Variants in RHBDF1 observed in about 807,000 individuals in gnomAD.
RHBDF1 encodes the protein rhomboid 5 homolog 1.
A neutral mutation model predicts 98.6 loss-of-function variants in RHBDF1; 80 were observed. The ratio of observed to expected loss-of-function variants is 0.81; its 90% CI spans 0.68 to 0.98. The LOEUF (loss-of-function observed/expected upper bound fraction) is 0.98. Among genes scored for constraint, RHBDF1 ranks in the 50% least tolerant of loss-of-function variants. The pLI, the probability that RHBDF1 is intolerant of heterozygous loss-of-function variation, is 0.00. For synonymous variants in RHBDF1, 512 were observed against 486.8 expected (o/e 1.05, Z -0.68); for missense variants, 1,116 against 1,198.3 (o/e 0.93, Z 1.01).
At chr16:62,086 C>A in intron 7 of RHBDF1, 34 bp from the exon 8 acceptor site, 7 of 1,438,674 alleles carry the variant, frequency 4.9e-6, no homozygotes, top group Non-Finnish European at 6.4e-6. Flanking sequence ...CCCGCCCCAG[C>A]CCCGCAAACT....
At position 58,136 on chromosome 16, in the gene RHBDF1, G is replaced by T. The variant is rs1339740735; in HGVS notation, c.*204C>A. The T allele has an allele frequency of 1.8e-6, 1 of 565,514 alleles. No homozygotes were observed. The highest frequency in any genetic ancestry group is 1.9e-5 in the African/African-American group (1 of 53,334). The allele number at this position is 565,514 out of a possible 1,614,324, so 35.0% of individuals were successfully genotyped here. On this transcript the variant is annotated 3_prime_UTR_variant, in exon 18 of 18. Transcript: ENST00000262316. ...TGGTCGTCAAGAAACAAGTTAGAAG[G>T]TTATGACAGGAAGTAGTATAATAAA...
intron 4 of RHBDF1, 61 bp downstream of exon 4, chr16:63,526 C>T: frequency 1.4e-6 from 2 of 1,402,944 alleles, no homozygotes; most frequent in South Asian, 2.7e-5. Context: ...GCTGTGTCCG[C>T]AGCCCCAGCC....
upstream of RHBDF1, among the ~76,000 whole-genome samples, chr16:72,913 G>T (rs900418585): frequency 6.6e-6 from 1 of 152,162 alleles, no homozygotes; most frequent in Non-Finnish European, 1.5e-5. Context: ...GAGCTGTCCT[G>T]CCCTGATTTG....
At position 63,039 on chromosome 16, in the gene RHBDF1, G is replaced by A. The variant is rs1399968979; in HGVS notation, c.606C>T (p.Leu202=). Residue 202 remains leucine, a synonymous_variant, in exon 5 of 18, where the codon CTC becomes CTT. Coordinates refer to ENST00000262316, the MANE Select transcript of RHBDF1 (RefSeq NM_022450.5). ...FSSSRSGFHR[L]PRRRKRESVA... is the part of the protein sequence containing the mutation. ...CCGACTCTCGCTTGCGCCGCCGCGG[G>A]AGCCGGTGGAAACCTGAGCGGGAGC... The A allele has an allele frequency of 6.2e-7, 1 of 1,612,848 alleles. No individual in the cohort carries two copies. Among genetic ancestry groups the A allele is most frequent in the Admixed American group, 1.7e-5 (1 of 59,938 alleles).
At chr16:67,069 C>G (rs1897848605) in intron 1 of RHBDF1, among the ~76,000 whole-genome samples, 1 of 152,192 alleles carries the variant, frequency 6.6e-6, no homozygotes, top group Non-Finnish European at 1.5e-5. Flanking sequence ...AGCCCTCCCT[C>G]CACAGGGTAT....
rs998807584 is a variant in RHBDF1 at position 66,103 on chromosome 16, G to A, written c.-24-1064C>T. ...AGGGGGACCACACGGCGATTCCAGT[G>A]GAGACCCAGATTGAGAAGGGCCCCT... is the stretch of plus-strand genomic sequence containing the variant. On this transcript the variant is annotated intron_variant, in intron 1 of 17. Transcript: ENST00000262316. Among the ~76,000 whole-genome samples the A allele has an allele frequency of 1.1e-4, 17 of 152,380 alleles. 1 individual carries two copies. The highest frequency in any genetic ancestry group is 8.5e-4 in the Admixed American group (13 of 15,310).
chr16:65,560 G>A (rs1254071726), intron 1 of RHBDF1, among the ~76,000 whole-genome samples: 1 of 152,140 alleles, frequency 6.6e-6, no homozygotes, highest in Non-Finnish European at 1.5e-5. Flanking sequence ...ACACACAGGG[G>A]ACAGCCGATC....
At position 59,819 on chromosome 16, in the gene RHBDF1, G is replaced by C; in HGVS notation, c.1730C>G (p.Thr577Ser). Residue 577 changes from threonine to serine, a missense_variant, in exon 14 of 18, where the codon ACC becomes AGC. Coordinates refer to ENST00000262316, the MANE Select transcript of RHBDF1 (RefSeq NM_022450.5). ...PEDITKWPICTKNSAGNHTNH... is the reference protein window; with the variant it reads ...PEDITKWPICSKNSAGNHTNH... ...GGTGTGGTTCCCAGCGCTGTTTTTG[G>C]TGCAGATCTGGGTCACAAATGAGGA... The C allele has an allele frequency of 1.9e-6, 3 of 1,614,154 alleles. No individual in the cohort carries two copies. The highest frequency in any genetic ancestry group is 2.5e-6 in the Non-Finnish European group (3 of 1,180,016).
At chr16:64,387 C>G in intron 3 of RHBDF1, 2 of 1,389,114 alleles carry the variant, frequency 1.4e-6, no homozygotes, top group Non-Finnish European at 9.6e-7. Flanking sequence ...GCGGGCAGCC[C>G]GGGGACCCAA....
At chr16:63,956 G>T in intron 3 of RHBDF1, 156 bp from the exon 4 acceptor site, 1 of 771,242 alleles carries the variant, frequency 1.3e-6, no homozygotes, top group Non-Finnish European at 2.3e-6. Context: ...AGGATGAGTG[G>T]GTTCCAGCCA....
intron 10 of RHBDF1, 24 bp from the exon 11 acceptor site, chr16:61,305 C>A (rs1442474010): frequency 4.2e-5 from 65 of 1,541,704 alleles, no homozygotes; most frequent in Non-Finnish European, 5.6e-5. Context: ...AGACGAGCGG[C>A]CGCAGTCCGG....
At chr16:71,316 C>T (rs1398415590) in intron 1 of RHBDF1, among the ~76,000 whole-genome samples, 1 of 152,194 alleles carries the variant, frequency 6.6e-6, no homozygotes, top group African/African-American at 2.4e-5. Flanking sequence ...CCATTTGCCC[C>T]TGCCCCATTC....
chr16:58,390 A>G lies in RHBDF1; in HGVS notation c.2518T>C (p.Phe840Leu). The G allele has an allele frequency of 6.2e-7, 1 of 1,613,850 alleles. No individual in the cohort carries two copies. The highest frequency in any genetic ancestry group is 8.5e-7 in the Non-Finnish European group (1 of 1,180,012). ...TACTTCTCACAGAACTTGTCAGTGA[A>G]GGGGATGCAGGTGAGGAACTCACAC... is the stretch of plus-strand genomic sequence containing the variant. The part of the protein sequence containing the change: ...EWCEFLTCIP[F>L]TDKFCEKYEL... The change falls in exon 18 of 18, where the codon TTC (phenylalanine) becomes CTC (leucine). Residue 840 changes from phenylalanine to leucine, a missense_variant. Coordinates refer to ENST00000262316, the MANE Select transcript of RHBDF1 (RefSeq NM_022450.5).
Position 62,015 on chromosome 16 carries a change from C to A in RHBDF1, c.991G>T (p.Ala331Ser). 1 of 1,533,052 alleles carries A rather than the reference C, an allele frequency of 6.5e-7. No individual in the cohort carries two copies. The highest frequency in any genetic ancestry group is 8.7e-7 in the Non-Finnish European group (1 of 1,145,992). The allele number at this position is 1,533,052 out of a possible 1,614,324, so 95.0% of individuals were successfully genotyped here. A position where few individuals can be genotyped will look rare whatever the true frequency, so the allele number is the denominator to read the frequency against. ...CGCACCTTGGGCTGCGGGGCTGCGG[C>A]GCCCTCCTTCTGCTTCCGCCAGCCT... ...ERGWRKQKEG[A>S]AAPQPKVRLR... Residue 331 changes from alanine to serine, a missense_variant, in exon 8 of 18, where the codon GCC becomes TCC. By Grantham distance (99) the Ala-to-Ser change is moderately conservative (BLOSUM62 1). Coordinates refer to ENST00000262316, the MANE Select transcript of RHBDF1 (RefSeq NM_022450.5).
Position 67,666 on chromosome 16 carries a change from G to C in RHBDF1, c.-24-2627C>G, listed in dbSNP as rs563190144. ...AAGGCGGTCCTTGGCCTGGATCCCTGGGCACAGCACAAGGCAGGAGTTCAT... is the reference window on the plus strand; with the variant it reads ...AAGGCGGTCCTTGGCCTGGATCCCTCGGCACAGCACAAGGCAGGAGTTCAT... On this transcript the variant is annotated intron_variant, in intron 1 of 17. Coordinates refer to ENST00000262316, the MANE Select transcript of RHBDF1 (RefSeq NM_022450.5). Among the ~76,000 whole-genome samples, 264 of 152,336 alleles carry C rather than the reference G, an allele frequency of 1.7e-3. 2 individuals carry two copies. Among genetic ancestry groups the C allele is most frequent in the African/African-American group, 6.3e-3 (261 of 41,580 alleles).
At chr16:60,047 G>A (rs1897548841) in intron 13 of RHBDF1, 169 bp downstream of exon 13, 1 of 1,482,896 alleles carries the variant, frequency 6.7e-7, no homozygotes, top group African/African-American at 1.4e-5. Context: ...CTTGCTCAGA[G>A]GGGCAGGCGC....
At chr16:71,702 AC>A (rs1476953174) in intron 1 of RHBDF1, among the ~76,000 whole-genome samples, 1 of 152,012 alleles carries the variant, frequency 6.6e-6, no homozygotes, top group Non-Finnish European at 1.5e-5. Flanking sequence ...GGTCAGGACC[AC>A]CTCGGTCGGA....
At chr16:65,958 A>G (rs9925484) in intron 1 of RHBDF1, among the ~76,000 whole-genome samples, 9,138 of 152,328 alleles carry the variant, frequency 0.06, 897 homozygotes, top group African/African-American at 0.2. Context: ...CCAGGGCCCC[A>G]CGGAAGGCCC....
At chr16:66,281 T>C (rs1427263994) in intron 1 of RHBDF1, among the ~76,000 whole-genome samples, 2 of 152,094 alleles carry the variant, frequency 1.3e-5, no homozygotes, top group Admixed American at 1.3e-4. Context: ...GCCCCAGAAA[T>C]GGCTTTCACT....
Sources: gnomAD v4.1 joint callset for allele counts (sites outside exome capture counted in the v4.1 genomes callset) on GRCh38, gnomAD v4.1.1 for gene constraint, MANE v1.5 for transcripts, NCBI Gene and HGNC (gene_info 2026-07-23, HGNC 2026-07-21) for gene names.